The following PHC3 variants were observed in gnomAD, a reference collection of about 807,000 sequenced individuals.
PHC3 encodes the protein polyhomeotic homolog 3.
PHC3 carries 13 observed loss-of-function variants against 107.4 expected under a neutral mutation model. The observed-to-expected ratio is 0.12, with a 90% CI of 0.08 to 0.19. The LOEUF (loss-of-function observed/expected upper bound fraction) is 0.19, where lower values mean the gene tolerates loss of function less well. PHC3 is among the 10% of genes least tolerant of loss of function. The pLI, the probability that PHC3 is intolerant of heterozygous loss-of-function variation, is 1.00. For synonymous variants in PHC3, 456 were observed against 427.4 expected, an observed-to-expected ratio of 1.07 and a Z score of -0.83; for missense variants, 992 against 1,210.9, an observed-to-expected ratio of 0.82 and a Z score of 2.68.
At chr3:170,176,990 TATA>T (rs1449522657) in intron 2 of PHC3, 1 of 398,074 alleles carries the variant, frequency 2.5e-6, no homozygotes, top group Non-Finnish European at 5.0e-6. Context: ...GCCCTTTTTA[TATA>T]ATACCATATT....
chr3:170,180,514 C>A (rs999230505), intron 1 of PHC3, among the ~76,000 whole-genome samples: 2 of 151,182 alleles, frequency 1.3e-5, no homozygotes, highest in African/African-American at 4.9e-5. Flanking sequence ...AAAGCTGACT[C>A]CTCACTTACT....
chr3:170,144,053 G>A (rs954249770), intron 6 of PHC3, among the ~76,000 whole-genome samples: 2 of 151,518 alleles, frequency 1.3e-5, no homozygotes, highest in East Asian at 3.9e-4. Context: ...GAGGCCGGGC[G>A]TGGTGGCTCA....
At chr3:170,101,447 T>G (rs924454139) in intron 14 of PHC3, among the ~76,000 whole-genome samples, 4 of 152,174 alleles carry the variant, frequency 2.6e-5, no homozygotes, top group South Asian at 2.1e-4. Context: ...AAAGACTAAT[T>G]AGCAACAACA....
At chr3:170,098,776 T>C (rs909830098) in intron 14 of PHC3, among the ~76,000 whole-genome samples, 1 of 152,190 alleles carries the variant, frequency 6.6e-6, no homozygotes. Flanking sequence ...AGCTTTTCAA[T>C]TTCTATTTTA....
intron 4 of PHC3, among the ~76,000 whole-genome samples, chr3:170,162,141 G>C (rs971037909): frequency 1.3e-5 from 2 of 152,144 alleles, no homozygotes; most frequent in African/African-American, 4.8e-5. Context: ...TTTAAGATTA[G>C]AACCCCAGTC....
chr3:170,148,114 C>T (rs1725302748), intron 5 of PHC3: 1 of 152,030 alleles, frequency 6.6e-6, no homozygotes, highest in Non-Finnish European at 1.5e-5. Context: ...ACTAAAAATA[C>T]AAAAATTAGC....
At chr3:170,125,956 A>T in intron 8 of PHC3, 2 of 977,574 alleles carry the variant, frequency 2.0e-6, no homozygotes, top group Non-Finnish European at 2.4e-6. Context: ...AGACTGCCAA[A>T]CTTACCTCAA....
chr3:170,113,792 A>AT (rs1408784318), intron 10 of PHC3, among the ~76,000 whole-genome samples: 6 of 152,216 alleles, frequency 3.9e-5, no homozygotes, highest in Non-Finnish European at 8.8e-5. Context: ...TTGAAAAAAA[A>AT]GTCTTAATAT....
chr3:170,144,372 T>C (rs761089852), intron 6 of PHC3, among the ~76,000 whole-genome samples: 94 of 151,956 alleles, frequency 6.2e-4, no homozygotes, highest in Admixed American at 1.2e-3. Context: ...TATCAAAATT[T>C]GTTTATCCAC....
chr3:170,149,611 C>G (rs968045553), intron 4 of PHC3, among the ~76,000 whole-genome samples: 1 of 152,102 alleles, frequency 6.6e-6, no homozygotes, highest in Non-Finnish European at 1.5e-5. Context: ...TACGCCACCA[C>G]GCCCGGCTAA....
rs151325631 is a variant in PHC3 at position 170,116,006 on chromosome 3, A to C, written c.2193+1220T>G. Reference sequence around the variant, plus strand: ...CAGATGACTCAAAAGGCCTTCAAAAAATTTTTCATATTTTTATATATGCTT... The same window carrying C: ...CAGATGACTCAAAAGGCCTTCAAAACATTTTTCATATTTTTATATATGCTT... On this transcript the variant is annotated intron_variant, in intron 10 of 14. Transcript: ENST00000495893. 8.2e-3 allele frequency among the ~76,000 whole-genome samples: 1,244 copies of C among 152,178 alleles called. 18 individuals carry two copies. The highest frequency in any genetic ancestry group is 0.028 in the African/African-American group (1,179 of 41,524).
At chr3:170,144,043 G>A (rs985996681) in intron 6 of PHC3, among the ~76,000 whole-genome samples, 3 of 151,388 alleles carry the variant, frequency 2.0e-5, no homozygotes, top group Non-Finnish European at 4.4e-5. Flanking sequence ...AGAATATATC[G>A]AGGCCGGGCG....
chr3:170,168,705 G>A (rs1272301639), intron 4 of PHC3, among the ~76,000 whole-genome samples: 3 of 125,470 alleles, frequency 2.4e-5, no homozygotes, highest in African/African-American at 9.2e-5. Context: ...GGTGAGCCGA[G>A]ATCACGCCAC....
intron 14 of PHC3, among the ~76,000 whole-genome samples, chr3:170,100,769 G>A (rs576224784): frequency 5.3e-5 from 8 of 152,150 alleles, no homozygotes; most frequent in African/African-American, 1.7e-4. Flanking sequence ...GGATGCTGGG[G>A]AAAATTAGCC....
At chr3:170,115,874 T>TTC (rs1322816782) in intron 10 of PHC3, among the ~76,000 whole-genome samples, 4 of 89,746 alleles carry the variant, frequency 4.5e-5, no homozygotes, top group Non-Finnish European at 9.1e-5. Flanking sequence ...AAATCCAAGT[T>TTC]TCTCACACAC....
At chr3:170,142,548 T>C (rs1306980290) in intron 6 of PHC3, among the ~76,000 whole-genome samples, 2 of 152,128 alleles carry the variant, frequency 1.3e-5, no homozygotes, top group African/African-American at 4.8e-5. Flanking sequence ...CCTACAAATA[T>C]GAATGAATAT....
rs1714472856 is a variant in PHC3 at position 170,094,884 on chromosome 3, T to C, written c.*2346A>G. On this transcript the variant is annotated 3_prime_UTR_variant, in exon 15 of 15. Coordinates refer to ENST00000495893, the MANE Select transcript of PHC3 (RefSeq NM_024947.4). ...TTCAATAAGTACAGAATGGCTGCTATTAGGAAAGAGAACAAATAAAAGGAG... is the reference window on the plus strand; with the variant it reads ...TTCAATAAGTACAGAATGGCTGCTACTAGGAAAGAGAACAAATAAAAGGAG... 6.6e-6 allele frequency: 1 copy of C among 152,106 alleles called. No homozygotes were observed. The highest frequency in any genetic ancestry group is 1.5e-5 in the Non-Finnish European group (1 of 68,010). The allele number at this position is 152,106 out of a possible 1,614,324, so 9.4% of individuals were successfully genotyped here.
rs1386399545 is a variant in PHC3 at position 170,122,729 on chromosome 3, C to A, written c.1804G>T (p.Asp602Tyr). ...VDPPVVYQVEDVCEEEMPEES... is the reference protein window; with the variant it reads ...VDPPVVYQVEYVCEEEMPEES... The stretch of plus-strand genomic sequence containing the variant: ...TCTGGCATTTCTTCTTCACACACAT[C>A]TTCTACCTGATAAACCTGCAATGAC... The change falls in exon 9 of 15, where the codon GAT becomes TAT. Residue 602 changes from aspartate (D) to tyrosine (Y), a missense_variant. Physicochemically the swap from Asp to Tyr is radical, Grantham distance 160. This residue lies in a region of PHC3 where 543 missense variants were observed against 590.8 expected (regional missense o/e 0.92). Transcript: ENST00000495893. 1 of 1,613,808 alleles carries A rather than the reference C, an allele frequency of 6.2e-7. No homozygotes were observed. Among genetic ancestry groups the A allele is most frequent in the Admixed American group, 1.7e-5 (1 of 59,996 alleles).
At chr3:170,149,319 A>C in intron 4 of PHC3, 75 bp from the exon 5 acceptor site, 2 of 1,425,978 alleles carry the variant, frequency 1.4e-6, no homozygotes, top group South Asian at 2.8e-5. Context: ...ACCGAGCTGC[A>C]GTTAGGCAAT....
Sources: gnomAD v4.1 joint callset for allele counts (sites outside exome capture counted in the v4.1 genomes callset) on GRCh38, gnomAD v4.1.1 for gene constraint, gnomAD v4.1.1 regional missense constraint, MANE v1.5 for transcripts, NCBI Gene and HGNC (gene_info 2026-07-23, HGNC 2026-07-21) for gene names.